NR2E1: variants seen among roughly 807,000 people sequenced by gnomAD.
The protein encoded by NR2E1 is nuclear receptor TLX.
NR2E1 carries 5 observed loss-of-function variants against 43.6 expected under a neutral mutation model. That is an observed-to-expected ratio of 0.11 (90% CI 0.06 to 0.24). The LOEUF (loss-of-function observed/expected upper bound fraction) is 0.24, where lower values mean the gene tolerates loss of function less well. Among genes scored for constraint, NR2E1 ranks in the 10% least tolerant of loss-of-function variants. The pLI, the probability that NR2E1 is intolerant of heterozygous loss-of-function variation, is 1.00. For missense variants in NR2E1, 287 were observed against 496.7 expected (o/e 0.58, Z 4.01); for synonymous variants, 191 against 195.5 (o/e 0.98, Z 0.19).
At chr6:108,179,559 A>G (rs964508730) in intron 5 of NR2E1, among the ~76,000 whole-genome samples, 22 of 145,594 alleles carry the variant, frequency 1.5e-4, no homozygotes, top group African/African-American at 5.7e-4. Flanking sequence ...TTTCAAAATA[A>G]GTATTTGTAT....
rs189846900 is a variant in NR2E1 at position 108,173,860 on chromosome 6, C to T, written c.172-976C>T. ...GAATAAATTCCAAAGGAAACTTTAT[C>T]TGTAGATTTCCTCTTTCAATGGCTA... On this transcript the variant is annotated intron_variant, in intron 2 of 8. Coordinates refer to ENST00000368986, the MANE Select transcript of NR2E1 (RefSeq NM_003269.5). Among the ~76,000 whole-genome samples the T allele has an allele frequency of 2.3e-3, 343 of 152,296 alleles. 1 individual carries two copies. Among genetic ancestry groups the T allele is most frequent in the African/African-American group, 8.2e-3 (340 of 41,552 alleles).
chr6:108,170,648 A>G (rs1475136261), intron 1 of NR2E1, among the ~76,000 whole-genome samples: 1 of 145,110 alleles, frequency 6.9e-6, no homozygotes, highest in Non-Finnish European at 1.5e-5. Context: ...AACCGGGAGG[A>G]AGAGATCCAC....
At chr6:108,184,114 G>T (rs957571578) in intron 8 of NR2E1, among the ~76,000 whole-genome samples, 3 of 152,122 alleles carry the variant, frequency 2.0e-5, no homozygotes, top group Non-Finnish European at 4.4e-5. Flanking sequence ...ACTGCTTGAA[G>T]CTGGGAAGTG....
intron 2 of NR2E1, among the ~76,000 whole-genome samples, chr6:108,173,786 CTCTT>C (rs1562403227): frequency 6.6e-6 from 1 of 152,218 alleles, no homozygotes; most frequent in Non-Finnish European, 1.5e-5. Flanking sequence ...ATGCACATGA[CTCTT>C]TATGTATCTA....
intron 1 of NR2E1, chr6:108,168,153 T>C (rs559516946): frequency 1.3e-6 from 2 of 1,593,958 alleles, no homozygotes; most frequent in African/African-American, 1.3e-5. Context: ...GCTGTTGGAA[T>C]CTCCAGGAGG....
chr6:108,178,973 GAAAAT>G (rs1490757832), intron 5 of NR2E1: 2 of 152,582 alleles, frequency 1.3e-5, no homozygotes, highest in Non-Finnish European at 2.9e-5. Flanking sequence ...AGGAAAGAAA[GAAAAT>G]AAAGTGTTCC....
In NR2E1 at chr6:108,176,708, C is replaced by A. The variant is rs758854764; in HGVS notation, c.465C>A (p.Thr155=). 1 of 1,585,440 alleles carries A rather than the reference C, an allele frequency of 6.3e-7. No homozygotes were observed. The highest frequency in any genetic ancestry group is 8.5e-7 in the Non-Finnish European group (1 of 1,170,592). ...TGTCCACCACTCCAGAGCGGCAGAC[C>A]CTCGTGAGCCTGGCTCAGCCCACGC... ...AAVSTTPERQ[T]LVSLAQPTPK... Residue 155 remains threonine, a synonymous_variant, in exon 4 of 9, where the codon ACC becomes ACA. Transcript: ENST00000368986.
At chr6:108,181,138 A>G (rs1467079875) in intron 7 of NR2E1, among the ~76,000 whole-genome samples, 182 bp downstream of exon 7, 1 of 151,752 alleles carries the variant, frequency 6.6e-6, no homozygotes, top group Non-Finnish European at 1.5e-5. Context: ...CTGGGCATCA[A>G]CTTCCAGAGA....
At chr6:108,185,733 T>A (rs1271675946) in intron 8 of NR2E1, among the ~76,000 whole-genome samples, 1 of 152,246 alleles carries the variant, frequency 6.6e-6, no homozygotes, top group Non-Finnish European at 1.5e-5. Context: ...GTATGCTATA[T>A]GTAATAGACA....
chr6:108,171,859 T>G (rs1163127446), intron 2 of NR2E1, among the ~76,000 whole-genome samples: 1 of 152,070 alleles, frequency 6.6e-6, no homozygotes, highest in Non-Finnish European at 1.5e-5. Context: ...TTTAAATTAT[T>G]ATTATTCTGA....
At chr6:108,186,052 G>A (rs1316087238) in intron 8 of NR2E1, among the ~76,000 whole-genome samples, 3 of 152,184 alleles carry the variant, frequency 2.0e-5, no homozygotes, top group Non-Finnish European at 4.4e-5. Flanking sequence ...AAAAGAAGTG[G>A]CCAAGGTGAA....
At chr6:108,171,742 T>G in intron 2 of NR2E1, 139 bp downstream of exon 2, 2 of 1,116,192 alleles carry the variant, frequency 1.8e-6, no homozygotes, top group Non-Finnish European at 2.7e-6. Context: ...CCCCTCCTTC[T>G]TGCCTCAACT....
chr6:108,184,883 TA>T (rs1430099937), intron 8 of NR2E1, among the ~76,000 whole-genome samples: 1 of 152,256 alleles, frequency 6.6e-6, no homozygotes, highest in Non-Finnish European at 1.5e-5. Context: ...GAATAGTAAA[TA>T]TCAAATAAGT....
At position 108,176,556 on chromosome 6, in the gene NR2E1, C is replaced by T; in HGVS notation, c.313C>T (p.Leu105Phe). ...GTCCACCATCCGCAAGCAAGTGGCC[C>T]TCTACTTCCGTGGACACAAGGAGGA... is the stretch of plus-strand genomic sequence containing the variant. ...RTSTIRKQVA[L>F]YFRGHKEENG... Residue 105 changes from leucine (L) to phenylalanine (F), a missense_variant, in exon 4 of 9, where the codon CTC becomes TTC. By Grantham distance (22) the Leu-to-Phe change is conservative. Coordinates refer to ENST00000368986, the MANE Select transcript of NR2E1 (RefSeq NM_003269.5). 5.6e-6 allele frequency: 9 copies of T among 1,613,220 alleles called. No homozygotes were observed. The highest frequency in any genetic ancestry group is 7.6e-6 in the Non-Finnish European group (9 of 1,179,972).
chr6:108,179,492 CTGTG>C (rs34907033), intron 5 of NR2E1, among the ~76,000 whole-genome samples: 6,457 of 131,350 alleles, frequency 0.049, 528 homozygotes, highest in African/African-American at 0.18. Flanking sequence ...TAACCACTTC[CTGTG>C]TGTGTGTGTG....
chr6:108,174,776 G>C, intron 2 of NR2E1, 60 bp from the exon 3 acceptor site: 1 of 1,467,304 alleles, frequency 6.8e-7, no homozygotes. Flanking sequence ...CCCGGGTGCC[G>C]GCTCCGGGTC....
intron 8 of NR2E1, among the ~76,000 whole-genome samples, chr6:108,186,283 T>TA (rs1361448623): frequency 6.6e-5 from 10 of 152,168 alleles, no homozygotes; most frequent in African/African-American, 2.2e-4. Context: ...AGATGAACTA[T>TA]AAGCCTTGTA....
rs1418729310 is a variant in NR2E1 at position 108,187,812 on chromosome 6, T to C, written c.*349T>C. On this transcript the variant is annotated 3_prime_UTR_variant, in exon 9 of 9. Transcript: ENST00000368986. ...CAAAAGCTGAAACATAAGTAGTGCT[T>C]TCTCTTCCTTTTTAGCATACAAAGT... The C allele has an allele frequency of 3.1e-6, 1 of 325,686 alleles. No homozygotes were observed. The highest frequency in any genetic ancestry group is 6.0e-6 in the Non-Finnish European group (1 of 167,296). The allele number at this position is 325,686 out of a possible 1,614,324, so 20.2% of individuals were successfully genotyped here. A position where few individuals can be genotyped will look rare whatever the true frequency, so the allele number is the denominator to read the frequency against.
chr6:108,172,812 A>AT (rs1432592462), intron 2 of NR2E1, among the ~76,000 whole-genome samples: 2 of 152,208 alleles, frequency 1.3e-5, no homozygotes, highest in Non-Finnish European at 2.9e-5. Context: ...TTGCATTGAG[A>AT]TAAATTTTGA....
Sources: gnomAD v4.1 joint callset for allele counts (sites outside exome capture counted in the v4.1 genomes callset) on GRCh38, gnomAD v4.1.1 for gene constraint, MANE v1.5 for transcripts, NCBI Gene and HGNC (gene_info 2026-07-23, HGNC 2026-07-21) for gene names.